The following SAMD4B variants were observed in gnomAD, a reference collection of about 807,000 sequenced individuals.
SAMD4B encodes the protein sterile alpha motif domain containing 4B.
SAMD4B carries 5 observed loss-of-function variants against 74.5 expected under a neutral mutation model. The observed-to-expected ratio is 0.07, with a 90% CI of 0.04 to 0.14. SAMD4B has a LOEUF of 0.14. SAMD4B is among the 10% of genes least tolerant of loss of function. SAMD4B has a pLI of 1.00. For missense variants in SAMD4B, 608 were observed against 921.8 expected (o/e 0.66, Z 4.41); for synonymous variants, 373 against 374.9 (o/e 1.00, Z 0.06).
intron 4 of SAMD4B, among the ~76,000 whole-genome samples, chr19:39,370,832 C>T (rs1455798385): frequency 1.3e-5 from 2 of 152,230 alleles, no homozygotes; most frequent in Non-Finnish European, 2.9e-5. Context: ...TCTCAGTCCG[C>T]ATCACAACCG....
downstream of SAMD4B, chr19:39,387,303 C>A: frequency 3.3e-6 from 1 of 302,556 alleles, no homozygotes; most frequent in Non-Finnish European, 7.0e-6. Context: ...ATACGGTATT[C>A]TATCTTAAGG....
intron 3 of SAMD4B, among the ~76,000 whole-genome samples, chr19:39,360,438 G>A (rs1195882564): frequency 6.6e-6 from 1 of 152,196 alleles, no homozygotes; most frequent in East Asian, 1.9e-4. Context: ...ACTTAAATGG[G>A]TGGAGAGGAA....
At chr19:39,361,356 C>T (rs1216860413) in intron 3 of SAMD4B, among the ~76,000 whole-genome samples, 1 of 152,174 alleles carries the variant, frequency 6.6e-6, no homozygotes, top group East Asian at 1.9e-4. Context: ...ATGGCTCACA[C>T]CTGTAATCCC....
Position 39,375,200 on chromosome 19 carries a change from G to A in SAMD4B, c.668-450G>A, listed in dbSNP as rs904510935. ...GGGAGAGGAACAGGGGCCAGGTCCT[G>A]CATGGCCTTTTAGGCATGTGGAAGC... On this transcript the variant is annotated intron_variant, in intron 4 of 13. Transcript: ENST00000610417. This position sits in a 1 kb window ranked among gnomAD's most constrained non-coding sequence, Gnocchi z 4.1. 3.9e-5 allele frequency among the ~76,000 whole-genome samples: 6 copies of A among 152,246 alleles called. No homozygotes were observed. The highest frequency in any genetic ancestry group is 3.2e-3 in the Middle Eastern group (1 of 316).
At position 39,380,060 on chromosome 19, in the gene SAMD4B, T is replaced by C. The variant is rs765664618; in HGVS notation, c.1625T>C (p.Met542Thr). The change falls in exon 10 of 14, where the codon ATG becomes ACG. Residue 542 changes from methionine (M) to threonine (T), a missense_variant. Physicochemically the swap from Met to Thr is moderately conservative, Grantham distance 81 (BLOSUM62 -1). Coordinates refer to ENST00000610417, the MANE Select transcript of SAMD4B (RefSeq NM_001384574.2). ...RTFPRKAALE[M>T]QNYRQQKGWA... is the part of the protein sequence containing the mutation. ...TTCCCGCGCAAAGCCGCACTAGAGA[T>C]GCAGAACTACCGGCAGCAGAAAGGG... 6.2e-7 allele frequency: 1 copy of C among 1,613,728 alleles called. No individual in the cohort carries two copies. Among genetic ancestry groups the C allele is most frequent in the Non-Finnish European group, 8.5e-7 (1 of 1,179,834 alleles).
At chr19:39,343,129 C>T (rs2075427127) in intron 1 of SAMD4B, among the ~76,000 whole-genome samples, 1 of 151,912 alleles carries the variant, frequency 6.6e-6, no homozygotes. Context: ...CCCTCACGAG[C>T]CCTGCACACC....
intron 1 of SAMD4B, among the ~76,000 whole-genome samples, chr19:39,348,950 C>A (rs921805904): frequency 6.6e-6 from 1 of 152,126 alleles, no homozygotes; most frequent in African/African-American, 2.4e-5. Context: ...TGAGAGTAGG[C>A]ACTATTATTA....
chr19:39,381,362 C>A, intron 12 of SAMD4B: 1 of 437,870 alleles, frequency 2.3e-6, no homozygotes, highest in Non-Finnish European at 4.1e-6. Flanking sequence ...TACCCCATCT[C>A]ATGTTTCCCA....
intron 11 of SAMD4B, 95 bp from the exon 12 acceptor site, chr19:39,380,895 G>T: frequency 6.6e-7 from 1 of 1,521,696 alleles, no homozygotes; most frequent in Non-Finnish European, 8.8e-7. Flanking sequence ...AGGTGGCGGG[G>T]GTGGGAGTGG....
intron 1 of SAMD4B, among the ~76,000 whole-genome samples, chr19:39,349,414 C>T (rs555302361): frequency 2.6e-5 from 4 of 152,140 alleles, no homozygotes; most frequent in South Asian, 2.1e-4. Context: ...CAGAGTTTAC[C>T]GGAGCTCCCC....
At chr19:39,388,311 G>A, downstream of SAMD4B, 3 of 1,613,098 alleles carry the variant, frequency 1.9e-6, no homozygotes, top group Non-Finnish European at 2.5e-6. Context: ...ACAGATCCAG[G>A]CTAATCAGAT....
intron 4 of SAMD4B, among the ~76,000 whole-genome samples, chr19:39,371,438 T>G (rs1309673145): frequency 6.6e-6 from 1 of 152,124 alleles, no homozygotes; most frequent in Non-Finnish European, 1.5e-5. Context: ...CAACCTGAGG[T>G]GTCTTGGACC....
chr19:39,351,665 CT>C (rs1390486024), intron 1 of SAMD4B: 1 of 152,140 alleles, frequency 6.6e-6, no homozygotes, highest in Non-Finnish European at 1.5e-5. Flanking sequence ...ACAGATCTCC[CT>C]TTCCCCCTCC....
intron 1 of SAMD4B, among the ~76,000 whole-genome samples, chr19:39,347,244 G>A (rs1487929984): frequency 6.6e-6 from 1 of 152,168 alleles, no homozygotes; most frequent in Non-Finnish European, 1.5e-5. Context: ...AGCAGCCCCA[G>A]GTTTTAACCC....
downstream of SAMD4B, chr19:39,389,264 T>C: frequency 6.2e-7 from 1 of 1,611,722 alleles, no homozygotes; most frequent in African/African-American, 1.3e-5. This position sits in a 1 kb window ranked among gnomAD's most constrained non-coding sequence, Gnocchi z 5.3. Context: ...CTTCCCTCTC[T>C]TCCTGTTAGT....
downstream of SAMD4B, chr19:39,389,061 C>T (rs1173978725): frequency 6.2e-7 from 1 of 1,612,088 alleles, no homozygotes; most frequent in African/African-American, 1.3e-5. This position sits in a 1 kb window ranked among gnomAD's most constrained non-coding sequence, Gnocchi z 5.3. Flanking sequence ...CAGCCGCACC[C>T]TTGCCTCTCC....
chr19:39,377,875 A>G (rs1323503786), intron 8 of SAMD4B, 51 bp downstream of exon 8: 25 of 1,513,198 alleles, frequency 1.7e-5, no homozygotes, highest in Non-Finnish European at 2.1e-5. Context: ...AAGCCAAGTG[A>G]ACCCAAGCAC....
At position 39,383,090 on chromosome 19, in the gene SAMD4B, C is replaced by T; in HGVS notation, c.1973-118C>T. 1 of 815,136 alleles carries T rather than the reference C, an allele frequency of 1.2e-6. No individual in the cohort carries two copies. The highest frequency in any genetic ancestry group is 2.5e-5 in the East Asian group (1 of 40,250). The allele number at this position is 815,136 out of a possible 1,614,324, so 50.5% of individuals were successfully genotyped here. The stretch of plus-strand genomic sequence containing the variant: ...TCCCTGTCCACCTCCTCCCGTTCTT[C>T]CCTCTCCCCCTCCATCTCTCTTGCT... On this transcript the variant is annotated intron_variant, in intron 12 of 13. Coordinates refer to ENST00000610417, the MANE Select transcript of SAMD4B (RefSeq NM_001384574.2). This position sits in a 1 kb window ranked among gnomAD's most constrained non-coding sequence, Gnocchi z 4.1.
At chr19:39,386,673 T>C, downstream of SAMD4B, 1 of 1,600,256 alleles carries the variant, frequency 6.2e-7, no homozygotes, top group Non-Finnish European at 8.6e-7. This position sits in a 1 kb window ranked among gnomAD's most constrained non-coding sequence, Gnocchi z 6.1. Flanking sequence ...ATGGGTGCCC[T>C]GAGCCAGTGG....
Sources: gnomAD v4.1 joint callset for allele counts (sites outside exome capture counted in the v4.1 genomes callset) on GRCh38, gnomAD v4.1.1 for gene constraint, Gnocchi (gnomAD v3.1) non-coding constraint, MANE v1.5 for transcripts, NCBI Gene and HGNC (gene_info 2026-07-23, HGNC 2026-07-21) for gene names.